HSD17B4: variants seen among roughly 807,000 people sequenced by gnomAD.
The protein encoded by HSD17B4 is peroxisomal multifunctional enzyme type 2.
HSD17B4 carries 70 observed loss-of-function variants against 101.0 expected under a neutral mutation model. That is an observed-to-expected ratio of 0.69 (90% CI 0.57 to 0.85). The LOEUF is 0.85. Among genes scored for constraint, HSD17B4 ranks in the 40% least tolerant of loss-of-function variants. HSD17B4 has a pLI of 0.00. For missense variants in HSD17B4, 984 were observed against 892.4 expected (o/e 1.10, Z -1.31); for synonymous variants, 347 against 297.1 (o/e 1.17, Z -1.73).
At chr5:119,536,862 A>G (rs1229744537) in intron 23 of HSD17B4, among the ~76,000 whole-genome samples, 1 of 152,174 alleles carries the variant, frequency 6.6e-6, no homozygotes, top group African/African-American at 2.4e-5. Flanking sequence ...AATAAGATTA[A>G]GAAATCATTG....
intron 23 of HSD17B4, among the ~76,000 whole-genome samples, chr5:119,541,365 G>A (rs989792169): frequency 2.6e-5 from 4 of 152,120 alleles, no homozygotes; most frequent in African/African-American, 9.7e-5. Flanking sequence ...CAGAGGCCAC[G>A]TATCTAAGCA....
At chr5:119,525,842 G>A (rs1443608435) in intron 18 of HSD17B4, 75 bp from the exon 19 acceptor site, 6 of 844,144 alleles carry the variant, frequency 7.1e-6, no homozygotes, top group Admixed American at 6.9e-5. Context: ...CATTTTTAAA[G>A]TCCTGAATTA....
chr5:119,532,064 GA>G (rs1362423723), intron 22 of HSD17B4, among the ~76,000 whole-genome samples: 2 of 152,076 alleles, frequency 1.3e-5, no homozygotes, highest in Non-Finnish European at 2.9e-5. Context: ...AAAGAATAAA[GA>G]AAAAATATTC....
At chr5:119,519,911 C>G (rs1338247356) in intron 17 of HSD17B4, among the ~76,000 whole-genome samples, 5 of 152,180 alleles carry the variant, frequency 3.3e-5, no homozygotes, top group African/African-American at 1.2e-4. Context: ...TTTACATCCT[C>G]TGGTCTCATA....
intron 15 of HSD17B4, among the ~76,000 whole-genome samples, chr5:119,508,537 G>C (rs554749788): frequency 2.6e-5 from 4 of 152,248 alleles, no homozygotes; most frequent in Admixed American, 2.0e-4. Flanking sequence ...TTAGTAAATA[G>C]AGGGACAGCT....
intron 13 of HSD17B4, among the ~76,000 whole-genome samples, chr5:119,501,259 A>G (rs3797363): frequency 0.047 from 7,187 of 151,874 alleles, 611 homozygotes; most frequent in East Asian, 0.42. Flanking sequence ...CGTATGACAC[A>G]GTAAAGCTGA....
intron 2 of HSD17B4, among the ~76,000 whole-genome samples, chr5:119,459,556 T>C (rs1755003806): frequency 6.6e-6 from 1 of 152,138 alleles, no homozygotes; most frequent in African/African-American, 2.4e-5. Flanking sequence ...AACCGGGTAA[T>C]GTATTTTAAA....
intron 14 of HSD17B4, among the ~76,000 whole-genome samples, chr5:119,506,307 G>C (rs1751648489): frequency 6.6e-6 from 1 of 152,242 alleles, no homozygotes; most frequent in East Asian, 1.9e-4. Context: ...GAGAATGATG[G>C]TTTCCAGCTT....
At chr5:119,495,243 G>A (rs139730869) in intron 11 of HSD17B4, among the ~76,000 whole-genome samples, 3,716 of 150,658 alleles carry the variant, frequency 0.025, 58 homozygotes, top group Non-Finnish European at 0.038. Flanking sequence ...AAAAGTATAG[G>A]AAAAACTTTC....
chr5:119,499,351 C>G lies in HSD17B4; in HGVS notation c.1007C>G (p.Ser336Cys). 2.5e-6 allele frequency: 4 copies of G among 1,613,708 alleles called. No individual in the cohort carries two copies. The highest frequency in any genetic ancestry group is 3.4e-6 in the Non-Finnish European group (4 of 1,179,690). Reference protein sequence around the residue: ...GAIGQKLPPFSYAYTELEAIM... With the variant: ...GAIGQKLPPFCYAYTELEAIM... ...ATTGGCCAGAAACTCCCTCCATTTTCTTATGCTTATACGGAACTGGAAGCT... is the reference window on the plus strand; with the variant it reads ...ATTGGCCAGAAACTCCCTCCATTTTGTTATGCTTATACGGAACTGGAAGCT... Residue 336 changes from serine to cysteine, a missense_variant, in exon 13 of 24, where the codon TCT becomes TGT. Ser to Cys is a moderately radical substitution (Grantham distance 112, BLOSUM62 -1). Transcript: ENST00000510025.
chr5:119,529,848 TC>T, intron 20 of HSD17B4, 45 bp from the exon 21 acceptor site: 1 of 1,093,152 alleles, frequency 9.1e-7, no homozygotes, highest in Non-Finnish European at 1.4e-6. Context: ...AAATTACACT[TC>T]CATTGTAATC....
chr5:119,458,489 C>T (rs1313698810), intron 2 of HSD17B4, among the ~76,000 whole-genome samples: 1 of 151,032 alleles, frequency 6.6e-6, no homozygotes, highest in African/African-American at 2.4e-5. Context: ...TTACAGGCGC[C>T]TGCCACCAAG....
At position 119,542,188 on chromosome 5, in the gene HSD17B4, A is replaced by G. The variant is rs1300342072; in HGVS notation, c.*194A>G. On this transcript the variant is annotated 3_prime_UTR_variant, in exon 24 of 24. Coordinates refer to ENST00000510025, the MANE Select transcript of HSD17B4 (RefSeq NM_000414.4). ...TCATTATTTTTACAAGGAACTATAT[A>G]TAAGCTAGCACATAATTATCCTTCT... The G allele has an allele frequency of 1.9e-6, 1 of 539,616 alleles. No homozygotes were observed. Among genetic ancestry groups the G allele is most frequent in the East Asian group, 3.4e-5 (1 of 29,332 alleles). 33.4% of individuals were successfully genotyped at this position (539,616 alleles called of 1,614,324 possible).
rs141517981 is a variant in HSD17B4 at position 119,473,956 on chromosome 5, C to A, written c.161C>A (p.Ala54Asp). The A allele has an allele frequency of 3.1e-6, 5 of 1,612,816 alleles. No individual in the cohort carries two copies. The East Asian group carries it at 8.9e-5, about 29-fold the overall frequency. ...AAAGGAGTTGGTAAAGGCTCCTTAG[C>A]TGCTGATAAGGTTGTTGAAGAAATA... Reference protein sequence around the residue: ...DFKGVGKGSLAADKVVEEIRR... With the variant: ...DFKGVGKGSLDADKVVEEIRR... Residue 54 changes from alanine (A) to aspartate (D), a missense_variant, in exon 3 of 24, where the codon GCT becomes GAT. Transcript: ENST00000510025.
chr5:119,484,189 T>C (rs761041618), intron 8 of HSD17B4, among the ~76,000 whole-genome samples: 2 of 152,134 alleles, frequency 1.3e-5, no homozygotes, highest in Admixed American at 6.5e-5. Flanking sequence ...GCCTGGGTAA[T>C]GGACTGAGAC....
In HSD17B4 at chr5:119,493,997, AGCATTTTCTTC is replaced by A. The variant is rs1391562955; in HGVS notation, c.868+52_868+62del. On this transcript the variant is annotated intron_variant, in intron 11 of 23. Coordinates refer to ENST00000510025, the MANE Select transcript of HSD17B4 (RefSeq NM_000414.4). ...CCTGGTTGGGGAATCAGAGGCAGCA[AGCATTTTCTTC>A]TCTTATGTAGTTGTCTTCTATGTTA... 9 of 1,594,554 alleles carry A rather than the reference AGCATTTTCTTC, an allele frequency of 5.6e-6. No homozygotes were observed. In the South Asian group the frequency reaches 9.9e-5, roughly 18 times the overall value.
chr5:119,476,764 C>A, intron 6 of HSD17B4: 3 of 892,986 alleles, frequency 3.4e-6, no homozygotes, highest in Non-Finnish European at 4.0e-6. Flanking sequence ...AGCCACTACT[C>A]CTGACTACCC....
At chr5:119,538,272 A>C (rs1291796947) in intron 23 of HSD17B4, among the ~76,000 whole-genome samples, 2 of 151,910 alleles carry the variant, frequency 1.3e-5, no homozygotes, top group Non-Finnish European at 2.9e-5. Context: ...TTCCTTCCTT[A>C]CTTCTGTCTG....
At chr5:119,465,848 T>C (rs1235556224) in intron 2 of HSD17B4, among the ~76,000 whole-genome samples, 1 of 152,232 alleles carries the variant, frequency 6.6e-6, no homozygotes, top group Non-Finnish European at 1.5e-5. Flanking sequence ...TGGCTAGTAC[T>C]TTCAGCACTA....
Sources: allele counts gnomAD v4.1 joint callset (sites outside exome capture counted in the v4.1 genomes callset), GRCh38; gene constraint gnomAD v4.1.1; transcripts MANE v1.5; gene names NCBI Gene and HGNC (gene_info 2026-07-23, HGNC 2026-07-21).